C3orf20: variants seen among roughly 807,000 people sequenced by gnomAD.
The protein encoded by C3orf20 is family with sequence similarity 149 member C, also known as uncharacterized protein C3orf20.
Under a neutral mutation model 88.3 loss-of-function variants are expected in C3orf20, and 76 were observed. The observed-to-expected ratio is 0.86, with a 90% CI of 0.72 to 1.04. The LOEUF is 1.04. C3orf20 is among the 50% of genes least tolerant of loss of function. The pLI is 0.00. For synonymous variants in C3orf20, 436 were observed against 437.4 expected (o/e 1.00, Z 0.04); for missense variants, 1,056 against 1,123.3 (o/e 0.94, Z 0.86).
At chr3:14,762,383 CAAG>C (rs1327099629) in intron 15 of C3orf20, among the ~76,000 whole-genome samples, 2 of 152,212 alleles carry the variant, frequency 1.3e-5, no homozygotes, top group Non-Finnish European at 2.9e-5. Context: ...TTGAGTGGCT[CAAG>C]AAGAATACAT....
At chr3:14,761,402 G>T in intron 14 of C3orf20, 71 bp from the exon 15 acceptor site, 1 of 1,574,974 alleles carries the variant, frequency 6.3e-7, no homozygotes, top group Non-Finnish European at 8.7e-7. Flanking sequence ...TTCCAAACTT[G>T]CCTGTCTTAT....
intron 7 of C3orf20, 27 bp downstream of exon 7, chr3:14,704,645 T>C (rs757852991): frequency 3.7e-5 from 60 of 1,605,194 alleles, no homozygotes; most frequent in Non-Finnish European, 4.5e-5. Flanking sequence ...TACCACCCTA[T>C]CTCCCCAGCT....
At position 14,758,251 on chromosome 3, in the gene C3orf20, T is replaced by A. The variant is rs374621846; in HGVS notation, c.2244+577T>A. Among the ~76,000 whole-genome samples, 39 of 152,230 alleles carry A rather than the reference T, an allele frequency of 2.6e-4. 1 individual carries two copies. In the South Asian group the frequency reaches 2.9e-3, roughly 11 times the overall value. On this transcript the variant is annotated intron_variant, in intron 13 of 16. Coordinates refer to ENST00000253697, the MANE Select transcript of C3orf20 (RefSeq NM_032137.5). ...TGCCATCTGGGGGTCCGGAGGGCCA[T>A]CCAGGTTAAATGGGGTTTTGGCAGG... is the stretch of plus-strand genomic sequence containing the variant.
chr3:14,772,812 G>C lies in C3orf20; in HGVS notation c.2652G>C (p.Glu884Asp). 3.1e-6 allele frequency: 5 copies of C among 1,613,924 alleles called. No homozygotes were observed. In the South Asian group the frequency reaches 5.5e-5, roughly 18 times the overall value. The change falls in exon 17 of 17, where the codon GAG (glutamate) becomes GAC (aspartate). Residue 884 changes from glutamate to aspartate, a missense_variant. Physicochemically the swap from Glu to Asp is conservative, Grantham distance 45 (BLOSUM62 2). Transcript: ENST00000253697. The surrounding 1 kb of genome is among the most constrained non-coding windows in gnomAD (Gnocchi z 4.2). Reference sequence around the variant, plus strand: ...TTAGGACAAGAGAGCCTGAAGTGGAGCTACATCCTCTCAGCAGGGACAGCA... The same window carrying C: ...TTAGGACAAGAGAGCCTGAAGTGGACCTACATCCTCTCAGCAGGGACAGCA... ...EAEKTREPEV[E>D]LHPLSRDSKI...
chr3:14,754,081 A>G (rs556818132), intron 12 of C3orf20, among the ~76,000 whole-genome samples: 9 of 152,312 alleles, frequency 5.9e-5, no homozygotes, highest in Non-Finnish European at 1.0e-4. Flanking sequence ...CCTGGTATCT[A>G]TATTCCCTGG....
chr3:14,726,442 C>T (rs909952706), intron 10 of C3orf20, among the ~76,000 whole-genome samples: 2 of 152,198 alleles, frequency 1.3e-5, no homozygotes, highest in African/African-American at 2.4e-5. Flanking sequence ...CGGCAGAGAA[C>T]GCTCTGCAGA....
intron 15 of C3orf20, 75 bp from the exon 16 acceptor site, chr3:14,771,992 C>T: frequency 6.3e-7 from 1 of 1,580,868 alleles, no homozygotes; most frequent in Non-Finnish European, 8.6e-7. Context: ...TGTCCAGGCT[C>T]CCAGAACACT....
intron 5 of C3orf20, among the ~76,000 whole-genome samples, chr3:14,702,119 G>A (rs2033289591): frequency 6.6e-6 from 1 of 152,154 alleles, no homozygotes; most frequent in Non-Finnish European, 1.5e-5. Flanking sequence ...AGGTTTAACT[G>A]GACTTCAGTT....
At chr3:14,700,588 CCACCCAA>C (rs1371530773) in intron 5 of C3orf20, among the ~76,000 whole-genome samples, 1 of 152,158 alleles carries the variant, frequency 6.6e-6, no homozygotes, top group Non-Finnish European at 1.5e-5. Context: ...CTTTCCTTTG[CCACCCAA>C]CTTTTAGCTG....
chr3:14,736,210 T>G (rs957043464), intron 12 of C3orf20, among the ~76,000 whole-genome samples: 4 of 152,220 alleles, frequency 2.6e-5, no homozygotes, highest in African/African-American at 9.6e-5. Flanking sequence ...TGGGATCATT[T>G]TCCTTCTGTC....
chr3:14,708,891 A>G (rs1338013308), intron 7 of C3orf20, among the ~76,000 whole-genome samples: 2 of 152,080 alleles, frequency 1.3e-5, no homozygotes, highest in Admixed American at 1.3e-4. Context: ...TGATCCGCCC[A>G]CTTCAGCCTC....
intron 12 of C3orf20, among the ~76,000 whole-genome samples, chr3:14,747,479 C>T (rs527534491): frequency 6.6e-6 from 1 of 152,204 alleles, no homozygotes; most frequent in African/African-American, 2.4e-5. Context: ...AGTTTCTGCC[C>T]TTAGTAATTC....
rs148130914 is a variant in C3orf20, at chr3:14,685,885, C to T, written c.625+1503C>T. On this transcript the variant is annotated intron_variant, in intron 4 of 16. Transcript: ENST00000253697. ...TTTTTTTTTTTTTTTTTTTTTGAGA[C>T]GGAGTCTCGCTCTGTTGCCACGCTG... Among the ~76,000 whole-genome samples, 359 of 93,164 alleles carry T rather than the reference C, an allele frequency of 3.9e-3. 8 individuals are homozygous for T. In the East Asian group the frequency reaches 0.047, roughly 12 times the overall value. The allele number at this position is 93,164 out of a possible 152,430, so 61.1% of individuals were successfully genotyped here.
At chr3:14,755,361 C>A (rs1250747542) in intron 12 of C3orf20, among the ~76,000 whole-genome samples, 1 of 152,004 alleles carries the variant, frequency 6.6e-6, no homozygotes, top group Non-Finnish European at 1.5e-5. Flanking sequence ...TTGTAAAAAG[C>A]CTTCCTGCTC....
At chr3:14,689,001 T>C (rs2032583341) in intron 4 of C3orf20, among the ~76,000 whole-genome samples, 1 of 152,186 alleles carries the variant, frequency 6.6e-6, no homozygotes, top group African/African-American at 2.4e-5. Flanking sequence ...TGCATTGTAA[T>C]AGGCAACTTT....
chr3:14,738,447 G>C (rs1203842032), intron 12 of C3orf20, among the ~76,000 whole-genome samples: 1 of 149,810 alleles, frequency 6.7e-6, no homozygotes, highest in African/African-American at 2.5e-5. Flanking sequence ...TCCTGCCTCA[G>C]CCTCCCCAGT....
Position 14,768,292 on chromosome 3 carries a change from C to T in C3orf20, c.2496-3775C>T, listed in dbSNP as rs1468740602. 1.3e-5 allele frequency among the ~76,000 whole-genome samples: 2 copies of T among 152,006 alleles called. No individual in the cohort carries two copies. The highest frequency in any genetic ancestry group is 3.9e-4 in the East Asian group (2 of 5,188). On this transcript the variant is annotated intron_variant, in intron 15 of 16. Transcript: ENST00000253697. This position sits in a 1 kb window ranked among gnomAD's most constrained non-coding sequence, Gnocchi z 4.1. ...CCTCCAAGGATGGAGCTGTGGAGAG[C>T]AGGCCCCGTGCTCAGCAAGGAGCCA...
chr3:14,727,025 G>A lies in C3orf20; in HGVS notation c.1690+1G>A, dbSNP rs372149459. On this transcript the variant is annotated splice_donor_variant, in intron 11 of 16. Transcript: ENST00000253697. LOFTEE classifies it high-confidence loss of function. The stretch of plus-strand genomic sequence containing the variant: ...ATTAATTCTATCTTGCTGGCCGCAG[G>A]TAAGGAGGCTGAAAGGTGGGCGAAG... 6.2e-6 allele frequency: 10 copies of A among 1,614,042 alleles called. 1 individual carries two copies. The Middle Eastern group carries it at 8.2e-4, about 133-fold the overall frequency.
chr3:14,742,404 G>A (rs1470729418), intron 12 of C3orf20, among the ~76,000 whole-genome samples: 2 of 152,218 alleles, frequency 1.3e-5, no homozygotes, highest in Non-Finnish European at 2.9e-5. Flanking sequence ...TGGGATGTAT[G>A]TGAGTGGGGA....
Sources: allele counts gnomAD v4.1 joint callset (sites outside exome capture counted in the v4.1 genomes callset), GRCh38; gene constraint gnomAD v4.1.1; non-coding constraint Gnocchi (gnomAD v3.1); transcripts MANE v1.5; gene names NCBI Gene and HGNC (gene_info 2026-07-23, HGNC 2026-07-21).